The following GABRA4 variants were observed in gnomAD, a reference collection of about 807,000 sequenced individuals.
GABRA4 encodes gamma-aminobutyric acid type A receptor subunit alpha4.
A neutral mutation model predicts 49.7 loss-of-function variants in GABRA4; 12 were observed. That is an observed-to-expected ratio of 0.24 (90% CI 0.15 to 0.39). The LOEUF is 0.39. GABRA4 is among the 10% of genes least tolerant of loss of function. The pLI is 1.00. For missense variants in GABRA4, 506 were observed against 686.0 expected, an observed-to-expected ratio of 0.74 and a Z score of 2.93; for synonymous variants, 288 against 240.2, an observed-to-expected ratio of 1.20 and a Z score of -1.84.
chr4:46,976,963 T>C (rs1009564350), intron 5 of GABRA4, 98 bp downstream of exon 5: 4 of 687,536 alleles, frequency 5.8e-6, no homozygotes, highest in Admixed American at 5.3e-5. Context: ...TTATGGACCA[T>C]GACTTAAATG....
intron 8 of GABRA4, among the ~76,000 whole-genome samples, chr4:46,952,535 T>G (rs550142615): frequency 2.0e-5 from 3 of 152,236 alleles, no homozygotes; most frequent in Non-Finnish European, 4.4e-5. Context: ...ATACCCAAAC[T>G]GATGTTTCTT....
At chr4:46,992,603 T>A in intron 2 of GABRA4, 1 of 528,216 alleles carries the variant, frequency 1.9e-6, no homozygotes, top group Admixed American at 3.1e-5. Context: ...CGGGAGGTAA[T>A]TAGTGTGGGG....
At chr4:46,948,410 A>G (rs1722055275) in intron 8 of GABRA4, among the ~76,000 whole-genome samples, 5 of 152,122 alleles carry the variant, frequency 3.3e-5, no homozygotes, top group Admixed American at 3.3e-4. Context: ...CATTCAAACT[A>G]GGGAAGAATA....
intron 8 of GABRA4, among the ~76,000 whole-genome samples, chr4:46,937,462 G>A (rs939140424): frequency 6.6e-6 from 1 of 152,092 alleles, no homozygotes; most frequent in African/African-American, 2.4e-5. Context: ...CCACCTCAAC[G>A]TATCACTCTT....
At chr4:46,954,681 T>C (rs1722281977) in intron 8 of GABRA4, among the ~76,000 whole-genome samples, 1 of 152,128 alleles carries the variant, frequency 6.6e-6, no homozygotes, top group African/African-American at 2.4e-5. Flanking sequence ...CACTTCATCA[T>C]TTAACAGATG....
At chr4:46,930,991 T>C (rs181583369) in intron 8 of GABRA4, among the ~76,000 whole-genome samples, 1 of 150,498 alleles carries the variant, frequency 6.6e-6, no homozygotes, top group Non-Finnish European at 1.5e-5. Context: ...ACTGAAGAGA[T>C]GAAGTTGAGA....
In GABRA4 at chr4:46,928,233, G is replaced by A. The variant is rs761345927; in HGVS notation, c.1657C>T (p.Leu553=). Reference sequence around the variant, plus strand: ...CTACTATAGCAACGAAATTACATTAGACTTTCTGATTTCTCCATAGTGTCC... The same window carrying A: ...CTACTATAGCAACGAAATTACATTAAACTTTCTGATTTCTCCATAGTGTCC... ...SKDTMEKSES[L]M Residue 553 remains leucine (L), a synonymous_variant, in exon 9 of 9, where the codon CTA becomes TTA. Transcript: ENST00000264318. 6.2e-7 allele frequency: 1 copy of A among 1,605,102 alleles called. No homozygotes were observed. Among genetic ancestry groups the A allele is most frequent in the Admixed American group, 1.7e-5 (1 of 59,330 alleles).
At chr4:46,930,239 A>G (rs1318468401) in intron 8 of GABRA4, among the ~76,000 whole-genome samples, 1 of 152,064 alleles carries the variant, frequency 6.6e-6, no homozygotes, top group Admixed American at 6.6e-5. Context: ...ATTTGGGTGG[A>G]GAAAATTGAA....
rs763187489 is a variant in GABRA4, at chr4:46,993,401, G to A, written c.24C>T (p.Pro8=). 4 of 1,614,162 alleles carry A rather than the reference G, an allele frequency of 2.5e-6. No individual in the cohort carries two copies. Among genetic ancestry groups the A allele is most frequent in the African/African-American group, 2.7e-5 (2 of 75,044 alleles). Residue 8 remains proline, a synonymous_variant, in exon 1 of 9, where the codon CCC becomes CCT. Transcript: ENST00000264318. MVSAKKV[P]AIALSAGVSF... Reference sequence around the variant, plus strand: ...TGACCCCGGCGGACAGAGCGATCGCGGGTACCTTCTTGGCAGAAACCATCT... The same window carrying A: ...TGACCCCGGCGGACAGAGCGATCGCAGGTACCTTCTTGGCAGAAACCATCT...
Position 46,924,358 on chromosome 4 carries a change from G to T in GABRA4, c.*3867C>A, listed in dbSNP as rs1721135806. 6.6e-6 allele frequency: 1 copy of T among 152,052 alleles called. No individual in the cohort carries two copies. The highest frequency in any genetic ancestry group is 2.1e-4 in the South Asian group (1 of 4,824). The allele number at this position is 152,052 out of a possible 1,614,324, so 9.4% of individuals were successfully genotyped here. On this transcript the variant is annotated 3_prime_UTR_variant, in exon 9 of 9. Coordinates refer to ENST00000264318, the MANE Select transcript of GABRA4 (RefSeq NM_000809.4). ...TGTCCCCATATATATTTGTGCCTGA[G>T]ATGAGTATCACTCTAGTTTTGGCCC... is the stretch of plus-strand genomic sequence containing the variant.
chr4:46,932,330 G>T (rs529279634), intron 8 of GABRA4, among the ~76,000 whole-genome samples: 23 of 152,210 alleles, frequency 1.5e-4, no homozygotes, highest in Middle Eastern at 3.4e-3. Context: ...AAGGTTACAG[G>T]TCACTGGAAG....
chr4:46,945,460 T>G (rs1457477504), intron 8 of GABRA4, among the ~76,000 whole-genome samples: 1 of 152,152 alleles, frequency 6.6e-6, no homozygotes, highest in African/African-American at 2.4e-5. Flanking sequence ...ATGTAGCCTG[T>G]AGCTGTGATA....
At chr4:46,940,629 AC>A (rs1721757494) in intron 8 of GABRA4, among the ~76,000 whole-genome samples, 1 of 151,952 alleles carries the variant, frequency 6.6e-6, no homozygotes, top group Non-Finnish European at 1.5e-5. Context: ...TTACAAATCT[AC>A]TCCATCTATA....
In GABRA4 at chr4:46,928,470, A is replaced by G; in HGVS notation, c.1420T>C (p.Ser474Pro). ...CTTGATCCAAACACGTGACGAGTAG[A>G]AGCAGATCCAACTGAAGCCTTTCGA... ...MPRKASVGSA[S>P]TRHVFGSRLQ... Residue 474 changes from serine to proline, a missense_variant, in exon 9 of 9, where the codon TCT (serine) becomes CCT (proline). By Grantham distance (74) the Ser-to-Pro change is moderately conservative (BLOSUM62 -1). Around this residue, in one of 5 missense-constraint regions of GABRA4, gnomAD observed 243 missense variants for 210.8 expected, o/e 1.15. Transcript: ENST00000264318. 1 of 1,613,700 alleles carries G rather than the reference A, an allele frequency of 6.2e-7. No individual in the cohort carries two copies. The highest frequency in any genetic ancestry group is 8.5e-7 in the Non-Finnish European group (1 of 1,179,736).
chr4:46,940,095 C>T (rs977215651), intron 8 of GABRA4, among the ~76,000 whole-genome samples: 9 of 151,940 alleles, frequency 5.9e-5, no homozygotes, highest in Admixed American at 5.3e-4. Flanking sequence ...AATGCATCAA[C>T]GCTACTCAAA....
intron 2 of GABRA4, among the ~76,000 whole-genome samples, chr4:46,990,432 C>T (rs1229626914): frequency 1.3e-5 from 2 of 152,032 alleles, no homozygotes; most frequent in African/African-American, 4.8e-5. Flanking sequence ...ACAATGGATC[C>T]CTTCTTCCTT....
intron 2 of GABRA4, among the ~76,000 whole-genome samples, chr4:46,985,605 A>ATT (rs895448364): frequency 2.0e-5 from 3 of 151,988 alleles, no homozygotes; most frequent in African/African-American, 7.2e-5. Context: ...AATCAGATGT[A>ATT]TTTTCTCATC....
rs552162390 is a variant in GABRA4, at chr4:46,923,575, C to A, written c.*4650G>T. Reference sequence around the variant, plus strand: ...TTTACAAATGACAATGAAGTCATTGCGGTCAAAAAAAGAAAAAAGGAATAG... The same window carrying A: ...TTTACAAATGACAATGAAGTCATTGAGGTCAAAAAAAGAAAAAAGGAATAG... On this transcript the variant is annotated 3_prime_UTR_variant, in exon 9 of 9. Transcript: ENST00000264318. 1 of 151,200 alleles carries A rather than the reference C, an allele frequency of 6.6e-6. No individual in the cohort carries two copies. The highest frequency in any genetic ancestry group is 2.4e-5 in the African/African-American group (1 of 41,102). The allele number at this position is 151,200 out of a possible 1,614,324, so 9.4% of individuals were successfully genotyped here. A position where few individuals can be genotyped will look rare whatever the true frequency, so the allele number is the denominator to read the frequency against.
At chr4:46,943,879 T>A (rs1721896655) in intron 8 of GABRA4, among the ~76,000 whole-genome samples, 1 of 152,114 alleles carries the variant, frequency 6.6e-6, no homozygotes, top group Non-Finnish European at 1.5e-5. Context: ...TGTGTAGTAG[T>A]CAAGTCAGGG....
Sources: gnomAD v4.1 joint callset for allele counts (sites outside exome capture counted in the v4.1 genomes callset) on GRCh38, gnomAD v4.1.1 for gene constraint, gnomAD v4.1.1 regional missense constraint, MANE v1.5 for transcripts, NCBI Gene and HGNC (gene_info 2026-07-23, HGNC 2026-07-21) for gene names.